Variants in PRSS23 observed in about 807,000 individuals in gnomAD.
The protein encoded by PRSS23 is protease, serine 23.
A neutral mutation model predicts 34.7 loss-of-function variants in PRSS23; 25 were observed. That is an observed-to-expected ratio of 0.72 (90% confidence interval 0.53 to 1.01). The LOEUF (loss-of-function observed/expected upper bound fraction) is 1.01, where lower values mean the gene tolerates loss of function less well. Ranked by LOEUF, PRSS23 falls within the 50% of genes least tolerant of loss-of-function variation. The pLI is 0.00. For missense variants in PRSS23, 445 were observed against 475.6 expected (o/e 0.94, Z 0.60); for synonymous variants, 176 against 186.6 (o/e 0.94, Z 0.46).
chr11:86,849,650 C>T (rs985117172), intron 2 of PRSS23, among the ~76,000 whole-genome samples: 13 of 152,186 alleles, frequency 8.5e-5, no homozygotes, highest in African/African-American at 3.1e-4. Flanking sequence ...CACCCCAATT[C>T]TAGAATTACA....
chr11:86,893,931 T>C (rs1948858088), intron 2 of PRSS23, among the ~76,000 whole-genome samples: 1 of 152,168 alleles, frequency 6.6e-6, no homozygotes, highest in Admixed American at 6.5e-5. Flanking sequence ...AAAACTGGCT[T>C]TTTCCAAGGG....
chr11:86,829,198 T>C (rs1167740762), intron 2 of PRSS23, among the ~76,000 whole-genome samples: 1 of 152,192 alleles, frequency 6.6e-6, no homozygotes, highest in East Asian at 1.9e-4. Flanking sequence ...CGTTTCTTTT[T>C]ATTCTTTTTT....
chr11:86,843,543 A>G (rs532434167), intron 2 of PRSS23, among the ~76,000 whole-genome samples: 1 of 152,292 alleles, frequency 6.6e-6, no homozygotes, highest in African/African-American at 2.4e-5. Flanking sequence ...GCTAATATCC[A>G]GAATCTACAA....
chr11:86,894,554 C>A (rs1948862476), intron 2 of PRSS23, among the ~76,000 whole-genome samples: 1 of 152,154 alleles, frequency 6.6e-6, no homozygotes, highest in Non-Finnish European at 1.5e-5. Flanking sequence ...CTCCCAGTGT[C>A]AAGGGACCAG....
intron 2 of PRSS23, among the ~76,000 whole-genome samples, chr11:86,861,109 C>A (rs1475191567): frequency 6.6e-6 from 1 of 151,674 alleles, no homozygotes; most frequent in African/African-American, 2.4e-5. Flanking sequence ...ATCGTTAATA[C>A]CCTGTGTGTC....
chr11:86,914,265 G>T (rs59283498), intron 2 of PRSS23, among the ~76,000 whole-genome samples: 40,862 of 151,928 alleles, frequency 0.27, 5,660 homozygotes, highest in East Asian at 0.41. Flanking sequence ...GTTGCAAAAG[G>T]AGTGTTACTG....
intron 2 of PRSS23, among the ~76,000 whole-genome samples, chr11:86,861,913 C>A (rs533661440): frequency 6.6e-6 from 1 of 151,336 alleles, no homozygotes; most frequent in East Asian, 2.0e-4. Flanking sequence ...TAATATCCAG[C>A]GTGGAGAGGA....
At chr11:86,921,951 T>C (rs1949049909) in intron 2 of PRSS23, 1 of 152,208 alleles carries the variant, frequency 6.6e-6, no homozygotes, top group Non-Finnish European at 1.5e-5. Flanking sequence ...GTGAACCCTC[T>C]TGGAGTTAAA....
chr11:86,792,408 G>T (rs1439319202), intron 1 of PRSS23, among the ~76,000 whole-genome samples: 1 of 152,184 alleles, frequency 6.6e-6, no homozygotes, highest in Non-Finnish European at 1.5e-5. Flanking sequence ...GCTTCCCACT[G>T]CTGCTAGACC....
chr11:86,799,195 T>C (rs1365591165), upstream of PRSS23, among the ~76,000 whole-genome samples: 1 of 152,198 alleles, frequency 6.6e-6, no homozygotes, highest in Non-Finnish European at 1.5e-5. Context: ...CAGTGAGCTA[T>C]GATCCTGCTA....
upstream of PRSS23, among the ~76,000 whole-genome samples, chr11:86,799,636 AC>A (rs1164443374): frequency 3.9e-5 from 6 of 152,286 alleles, no homozygotes; most frequent in South Asian, 6.2e-4. Context: ...TAACACTAGG[AC>A]CTTAAATGGC....
upstream of PRSS23, among the ~76,000 whole-genome samples, chr11:86,799,147 G>T (rs1948002029): frequency 6.6e-6 from 1 of 152,192 alleles, no homozygotes; most frequent in African/African-American, 2.4e-5. Flanking sequence ...AATACTTGCT[G>T]AGAAGGGAGG....
intron 2 of PRSS23, chr11:86,934,824 TG>T (rs1215591939): frequency 6.6e-6 from 1 of 152,204 alleles, no homozygotes. Flanking sequence ...TGGGAGGATT[TG>T]GGAAAGGAGA....
In PRSS23 at chr11:86,952,300, G is replaced by A; in HGVS notation, c.*1015G>A. 1.9e-6 allele frequency: 3 copies of A among 1,614,180 alleles called. No individual in the cohort carries two copies. The highest frequency in any genetic ancestry group is 2.5e-6 in the Non-Finnish European group (3 of 1,180,020). On this transcript the variant is annotated 3_prime_UTR_variant, in exon 3 of 3. Transcript: ENST00000533902. ...CTTCCATGCACATGTGGTTGTGGTC[G>A]TTCTGTGGTGGGAATTTGCTGCAGT...
chr11:86,919,701 A>C (rs1286197105), intron 2 of PRSS23, among the ~76,000 whole-genome samples: 1 of 152,194 alleles, frequency 6.6e-6, no homozygotes, highest in Admixed American at 6.5e-5. Context: ...TCATCTGCAA[A>C]ATAAAGTTCT....
chr11:86,887,433 C>A (rs61485375), intron 2 of PRSS23, among the ~76,000 whole-genome samples: 270 of 150,598 alleles, frequency 1.8e-3, no homozygotes, highest in African/African-American at 6.1e-3. Flanking sequence ...AAAACAGAAG[C>A]ATGAACGTCC....
intron 2 of PRSS23, among the ~76,000 whole-genome samples, chr11:86,861,123 C>T (rs1343493901): frequency 6.6e-6 from 1 of 151,796 alleles, no homozygotes; most frequent in Non-Finnish European, 1.5e-5. Flanking sequence ...GTGTGTCCAC[C>T]CCCCTGTGAT....
chr11:86,900,584 C>T (rs1665658730), intron 2 of PRSS23, among the ~76,000 whole-genome samples: 1 of 152,004 alleles, frequency 6.6e-6, no homozygotes. Context: ...AGCCACCTCA[C>T]CACGCTCATT....
At chr11:86,793,855 A>G (rs577373377) in intron 1 of PRSS23, among the ~76,000 whole-genome samples, 4 of 152,320 alleles carry the variant, frequency 2.6e-5, no homozygotes, top group African/African-American at 9.6e-5. Flanking sequence ...ACTCATAAGG[A>G]GCTCTGGACT....
Sources: allele counts gnomAD v4.1 joint callset (sites outside exome capture counted in the v4.1 genomes callset), GRCh38; gene constraint gnomAD v4.1.1; transcripts MANE v1.5; gene names NCBI Gene and HGNC (gene_info 2026-07-23, HGNC 2026-07-21).